PRKCSH: variants seen among roughly 807,000 people sequenced by gnomAD.
PRKCSH encodes the protein glucosidase 2 subunit beta.
In PRKCSH, 42 loss-of-function variants were observed where a neutral mutation model predicts 79.7. That is an observed-to-expected ratio of 0.53 (90% CI 0.41 to 0.68). PRKCSH has a LOEUF of 0.68. PRKCSH is among the 30% of genes least tolerant of loss of function. The probability of loss-of-function intolerance (pLI) is 0.00; values close to 1 mark genes in which losing one functional copy is unlikely to be tolerated. For missense variants in PRKCSH, 686 were observed against 709.0 expected (o/e 0.97, Z 0.37); for synonymous variants, 325 against 288.2 (o/e 1.13, Z -1.29).
Position 11,437,823 on chromosome 19 carries a change from C to T in PRKCSH, c.197-53C>T. On this transcript the variant is annotated intron_variant, in intron 3 of 17. Coordinates refer to ENST00000677123, the MANE Select transcript of PRKCSH (RefSeq NM_001289104.2). Reference sequence around the variant, plus strand: ...GGCTCTTATCTGTGGATGGATGGGACATGTCTGTCCCTGAGCTGACTCCGA... The same window carrying T: ...GGCTCTTATCTGTGGATGGATGGGATATGTCTGTCCCTGAGCTGACTCCGA... 4 of 1,480,752 alleles carry T rather than the reference C, an allele frequency of 2.7e-6. No individual in the cohort carries two copies. The South Asian group carries it at 3.4e-5, about 13-fold the overall frequency. The allele number at this position is 1,480,752 out of a possible 1,614,324, so 91.7% of individuals were successfully genotyped here. A position where few individuals can be genotyped will look rare whatever the true frequency, so the allele number is the denominator to read the frequency against.
intron 7 of PRKCSH, 87 bp from the exon 8 acceptor site, chr19:11,445,302 C>G: frequency 7.8e-7 from 1 of 1,275,488 alleles, no homozygotes; most frequent in Non-Finnish European, 1.1e-6. Context: ...ATATAGTAGG[C>G]GCTTGGTGGC....
At chr19:11,444,173 C>T (rs1970190761) in intron 7 of PRKCSH, among the ~76,000 whole-genome samples, 1 of 152,226 alleles carries the variant, frequency 6.6e-6, no homozygotes, top group Admixed American at 6.5e-5. Flanking sequence ...AGGGAATTCA[C>T]TGTCTGGCTC....
At chr19:11,439,460 T>C (rs1969945635) in intron 5 of PRKCSH, among the ~76,000 whole-genome samples, 1 of 151,212 alleles carries the variant, frequency 6.6e-6, no homozygotes. Context: ...GAAATTATAA[T>C]TTAAAAAATT....
At chr19:11,436,016 A>T in intron 1 of PRKCSH, 25 bp from the exon 2 acceptor site, 1 of 1,503,958 alleles carries the variant, frequency 6.6e-7, no homozygotes, top group Non-Finnish European at 9.1e-7. Context: ...TCTCCCACTG[A>T]CCGGGATCCG....
intron 7 of PRKCSH, 105 bp downstream of exon 7, chr19:11,442,620 G>A (rs1052960495): frequency 2.0e-6 from 3 of 1,511,160 alleles, no homozygotes; most frequent in Non-Finnish European, 2.7e-6. Context: ...GCAGGTTTTT[G>A]ATCATGCTGC....
chr19:11,437,959 G>A lies in PRKCSH; in HGVS notation c.280G>A (p.Asp94Asn). The A allele has an allele frequency of 6.2e-7, 1 of 1,614,124 alleles. No individual in the cohort carries two copies. Among genetic ancestry groups the A allele is most frequent in the South Asian group, 1.1e-5 (1 of 91,084 alleles). ...PLYIPSNRVN[D>N]GVCDCCDGTD... ...GTATATCCCCTCCAACCGGGTCAACGATGGTGTTTGTGGTAAGTGAAGATG... is the reference window on the plus strand; with the variant it reads ...GTATATCCCCTCCAACCGGGTCAACAATGGTGTTTGTGGTAAGTGAAGATG... Residue 94 changes from aspartate (D) to asparagine (N), a missense_variant, in exon 4 of 18, where the codon GAT becomes AAT. This residue lies in a region of PRKCSH where 549 missense variants were observed against 520.2 expected (regional missense o/e 1.06). Coordinates refer to ENST00000677123, the MANE Select transcript of PRKCSH (RefSeq NM_001289104.2).
At chr19:11,436,306 G>A in intron 2 of PRKCSH, 83 bp from the exon 3 acceptor site, 1 of 1,576,980 alleles carries the variant, frequency 6.3e-7, no homozygotes. Flanking sequence ...GTAGTGCTCC[G>A]CTGGTGGGGA....
chr19:11,447,138 T>C lies in PRKCSH; in HGVS notation c.827T>C (p.Ile276Thr). ...TSFYDRVWAA[I>T]RDKYRSEALP... Reference sequence around the variant, plus strand: ...TTCTACGACCGCGTCTGGGCCGCCATCAGGGACAAGTACCGGTCCGAGGTC... The same window carrying C: ...TTCTACGACCGCGTCTGGGCCGCCACCAGGGACAAGTACCGGTCCGAGGTC... Residue 276 changes from isoleucine (I) to threonine (T), a missense_variant, in exon 10 of 18, where the codon ATC becomes ACC. Physicochemically the swap from Ile to Thr is moderately conservative, Grantham distance 89. Coordinates refer to ENST00000677123, the MANE Select transcript of PRKCSH (RefSeq NM_001289104.2). This position sits in a 1 kb window ranked among gnomAD's most constrained non-coding sequence, Gnocchi z 5.6. 1 of 1,613,876 alleles carries C rather than the reference T, an allele frequency of 6.2e-7. No homozygotes were observed. The highest frequency in any genetic ancestry group is 1.1e-5 in the South Asian group (1 of 91,066).
chr19:11,448,876 C>T lies in PRKCSH; in HGVS notation c.1287-38C>T, dbSNP rs772529031. ...GTGGCTGTGGGAGGAGGCTGGAATC[C>T]CTGCGTTCCCCAACCCATATGTCCC... On this transcript the variant is annotated intron_variant, in intron 14 of 17. Coordinates refer to ENST00000677123, the MANE Select transcript of PRKCSH (RefSeq NM_001289104.2). The surrounding 1 kb of genome is among the most constrained non-coding windows in gnomAD (Gnocchi z 4.4). The T allele has an allele frequency of 1.9e-6, 3 of 1,612,330 alleles. No homozygotes were observed. In the African/African-American group the frequency reaches 4.0e-5, roughly 22 times the overall value.
chr19:11,446,321 G>A lies in PRKCSH; in HGVS notation c.733G>A (p.Asp245Asn), dbSNP rs750801225. Reference protein sequence around the residue: ...QTHPELDTDGDGALSEAEAQA... With the variant: ...QTHPELDTDGNGALSEAEAQA... Reference sequence around the variant, plus strand: ...TCACCCGGAGCTGGACACAGATGGGGATGGGGCGTTGTCAGAAGCGGAAGC... The same window carrying A: ...TCACCCGGAGCTGGACACAGATGGGAATGGGGCGTTGTCAGAAGCGGAAGC... The change falls in exon 9 of 18, where the codon GAT becomes AAT. Residue 245 changes from aspartate to asparagine, a missense_variant. Asp to Asn is a conservative substitution (Grantham distance 23). Coordinates refer to ENST00000677123, the MANE Select transcript of PRKCSH (RefSeq NM_001289104.2). The A allele has an allele frequency of 1.2e-5, 19 of 1,613,880 alleles. No homozygotes were observed. The highest frequency in any genetic ancestry group is 1.5e-5 in the Non-Finnish European group (18 of 1,179,828).
chr19:11,448,328 A>T lies in PRKCSH; in HGVS notation c.1196+37A>T, dbSNP rs1470156263. 1 of 1,558,860 alleles carries T rather than the reference A, an allele frequency of 6.4e-7. No homozygotes were observed. The highest frequency in any genetic ancestry group is 8.7e-7 in the Non-Finnish European group (1 of 1,150,592). On this transcript the variant is annotated intron_variant, in intron 13 of 17. Transcript: ENST00000677123. The surrounding 1 kb of genome is among the most constrained non-coding windows in gnomAD (Gnocchi z 4.4). The stretch of plus-strand genomic sequence containing the variant: ...TGAGGAGCGGGGACACCTGTCCCAC[A>T]GCGACTGCTCCTTGACTCCCAGGGG...
intron 9 of PRKCSH, among the ~76,000 whole-genome samples, 195 bp downstream of exon 9, chr19:11,446,545 G>A (rs973420582): frequency 4.6e-5 from 7 of 151,908 alleles, no homozygotes; most frequent in South Asian, 2.1e-4. Context: ...GCTGGAGCCC[G>A]TTTCCCCGCA....
chr19:11,438,876 T>G (rs1303090162), intron 5 of PRKCSH, among the ~76,000 whole-genome samples: 3 of 152,078 alleles, frequency 2.0e-5, no homozygotes, highest in Admixed American at 2.0e-4. Context: ...CAGCTGATCC[T>G]TTTGTAGTTC....
rs896739189 is a variant in PRKCSH, at chr19:11,447,300, C to G, written c.850-139C>G. On this transcript the variant is annotated intron_variant, in intron 10 of 17. Transcript: ENST00000677123. The surrounding 1 kb of genome is among the most constrained non-coding windows in gnomAD (Gnocchi z 5.6). The stretch of plus-strand genomic sequence containing the variant: ...CCCAGCACCCCCCACCGAGACCCCC[C>G]GACCCCAGCTGTCGGTCCTCCCTGC... 4 of 1,333,636 alleles carry G rather than the reference C, an allele frequency of 3.0e-6. No individual in the cohort carries two copies. The highest frequency in any genetic ancestry group is 4.2e-6 in the Non-Finnish European group (4 of 954,562). 82.6% of individuals were successfully genotyped at this position (1,333,636 alleles called of 1,614,324 possible).
At chr19:11,445,016 G>A (rs1291137708) in intron 7 of PRKCSH, among the ~76,000 whole-genome samples, 1 of 152,060 alleles carries the variant, frequency 6.6e-6, no homozygotes, top group Non-Finnish European at 1.5e-5. Flanking sequence ...CCCCAGCCTG[G>A]GCCAGCCCTT....
At chr19:11,435,978 G>A in intron 1 of PRKCSH, 63 bp from the exon 2 acceptor site, 1 of 1,222,324 alleles carries the variant, frequency 8.2e-7, no homozygotes, top group East Asian at 2.3e-5. Context: ...GGAAGCGATG[G>A]AGGAATCCAA....
rs1354753111 is a variant in PRKCSH at position 11,441,353 on chromosome 19, A to AG, written c.465dup (p.Gln156AlafsTer6). On this transcript the variant is annotated frameshift_variant, in exon 6 of 18. Transcript: ENST00000677123. LOFTEE classifies it high-confidence loss of function. ...GACTGGAAGAAGGCACGGGAGGAGA[A>AG]GCAGGTAAGGAACCCGCGGGGGCTG... The AG allele has an allele frequency of 1.2e-6, 2 of 1,613,892 alleles. No homozygotes were observed. Among genetic ancestry groups the AG allele is most frequent in the Non-Finnish European group, 1.7e-6 (2 of 1,179,876 alleles).
chr19:11,446,544 C>T (rs555149290), intron 9 of PRKCSH, among the ~76,000 whole-genome samples, 194 bp downstream of exon 9: 5 of 152,106 alleles, frequency 3.3e-5, no homozygotes, highest in Admixed American at 6.5e-5. Flanking sequence ...CGCTGGAGCC[C>T]GTTTCCCCGC....
intron 7 of PRKCSH, among the ~76,000 whole-genome samples, chr19:11,445,091 T>C (rs1970232962): frequency 6.6e-6 from 1 of 152,074 alleles, no homozygotes; most frequent in Admixed American, 6.5e-5. Flanking sequence ...AGGGCTGCCC[T>C]CTGCCACCTG....
Sources: gnomAD v4.1 joint callset for allele counts (sites outside exome capture counted in the v4.1 genomes callset) on GRCh38, gnomAD v4.1.1 for gene constraint, gnomAD v4.1.1 regional missense constraint, Gnocchi (gnomAD v3.1) non-coding constraint, MANE v1.5 for transcripts, NCBI Gene and HGNC (gene_info 2026-07-23, HGNC 2026-07-21) for gene names.